Variants in EYS observed in about 807,000 individuals in gnomAD.
The protein encoded by EYS is EGF-like photoreceptor maintenance factor.
EYS carries 250 observed loss-of-function variants against 282.1 expected under a neutral mutation model. The observed-to-expected ratio is 0.89, with a 90% confidence interval of 0.80 to 0.98. EYS has a LOEUF of 0.98. Among genes scored for constraint, EYS ranks in the 50% least tolerant of loss-of-function variants. The pLI is 0.00. For synonymous variants in EYS, 1,355 were observed against 1,282.9 expected (o/e 1.06, Z -1.20); for missense variants, 4,016 against 3,709.0 (o/e 1.08, Z -2.15).
chr6:65,434,997 A>C (rs1290088206), intron 5 of EYS, among the ~76,000 whole-genome samples: 2 of 151,878 alleles, frequency 1.3e-5, no homozygotes, highest in Non-Finnish European at 1.5e-5. Context: ...TGTATTTTGC[A>C]TTATTACTGG....
intron 41 of EYS, among the ~76,000 whole-genome samples, chr6:63,754,201 T>A (rs1769417862): frequency 6.6e-6 from 1 of 152,180 alleles, no homozygotes. Context: ...TTATTTATTT[T>A]TATTATTATA....
chr6:65,090,368 A>G (rs1033647495), intron 12 of EYS, among the ~76,000 whole-genome samples: 1 of 152,150 alleles, frequency 6.6e-6, no homozygotes, highest in Non-Finnish European at 1.5e-5. Flanking sequence ...CCATAATTGT[A>G]TGTTTCCTTA....
At chr6:64,761,293 A>G (rs1385408996) in intron 22 of EYS, among the ~76,000 whole-genome samples, 1 of 152,112 alleles carries the variant, frequency 6.6e-6, no homozygotes, top group Non-Finnish European at 1.5e-5. Context: ...ATCACTTAGA[A>G]TTTACTTATA....
At chr6:64,628,010 G>A (rs899420811) in intron 22 of EYS, among the ~76,000 whole-genome samples, 8 of 152,190 alleles carry the variant, frequency 5.3e-5, no homozygotes, top group African/African-American at 1.9e-4. Flanking sequence ...AACCAGGGAG[G>A]CGGAGCTTGC....
chr6:65,418,654 C>T (rs1767334274), intron 5 of EYS, among the ~76,000 whole-genome samples: 1 of 151,936 alleles, frequency 6.6e-6, no homozygotes. Context: ...CACATGTTTT[C>T]ACTTATAAGT....
At chr6:64,181,466 A>C (rs933116658) in intron 31 of EYS, among the ~76,000 whole-genome samples, 2 of 152,058 alleles carry the variant, frequency 1.3e-5, no homozygotes, top group African/African-American at 4.8e-5. Flanking sequence ...AAAATTTTCT[A>C]TTTTTGGTTT....
intron 22 of EYS, among the ~76,000 whole-genome samples, chr6:64,715,135 C>T (rs1583072348): frequency 6.6e-6 from 1 of 151,802 alleles, no homozygotes; most frequent in South Asian, 2.1e-4. Flanking sequence ...TTATATTTAT[C>T]ATGTACTTTA....
rs750840208 is a variant in EYS, at chr6:64,591,473, G to GC, written c.4393dup (p.Ala1465GlyfsTer6). ...TGAATATTCTTCAATATCCTCTTGAGCCCCCCTAGAGACAACTGGAGTTGC... is the reference window on the plus strand; with the variant it reads ...TGAATATTCTTCAATATCCTCTTGAGCCCCCCCTAGAGACAACTGGAGTTGC... On this transcript the variant is annotated frameshift_variant, in exon 26 of 43. Coordinates refer to ENST00000503581, the MANE Select transcript of EYS (RefSeq NM_001142800.2). LOFTEE classifies it high-confidence loss of function. 14 of 1,551,254 alleles carry GC rather than the reference G, an allele frequency of 9.0e-6. No homozygotes were observed. The highest frequency in any genetic ancestry group is 2.4e-5 in the East Asian group (1 of 40,878).
chr6:65,396,142 A>G (rs961056782), intron 7 of EYS, among the ~76,000 whole-genome samples: 1 of 152,146 alleles, frequency 6.6e-6, no homozygotes. Flanking sequence ...TTATTTCAAT[A>G]TCTGCAAAGT....
chr6:63,726,671 A>G lies in EYS; in HGVS notation c.8081T>C (p.Ile2694Thr), dbSNP rs954331122. ...ATTGCTTCTGAAAGATGGATCACTT[A>G]TGGATAAAGCTGAGGGAAGGAGAGA... ...TGIYCEQALS[I>T]SDPSFRSNEL... Residue 2694 changes from isoleucine to threonine, a missense_variant, in exon 42 of 43, where the codon ATA (isoleucine) becomes ACA (threonine). Transcript: ENST00000503581. 11 of 1,551,110 alleles carry G rather than the reference A, an allele frequency of 7.1e-6. No homozygotes were observed. Among genetic ancestry groups the G allele is most frequent in the South Asian group, 1.2e-5 (1 of 83,988 alleles).
At chr6:65,291,660 G>T (rs187407242) in intron 12 of EYS, among the ~76,000 whole-genome samples, 1 of 151,684 alleles carries the variant, frequency 6.6e-6, no homozygotes, top group East Asian at 1.9e-4. Context: ...GCTCCAGGAG[G>T]TCATCTCTGG....
At chr6:63,888,777 A>T (rs983343328) in intron 35 of EYS, among the ~76,000 whole-genome samples, 3 of 152,236 alleles carry the variant, frequency 2.0e-5, no homozygotes, top group South Asian at 2.1e-4. Context: ...ACAAAACTGG[A>T]TGGAGAATGA....
At chr6:64,971,288 G>A (rs140768046) in intron 14 of EYS, among the ~76,000 whole-genome samples, 1 of 74,784 alleles carries the variant, frequency 1.3e-5, no homozygotes, top group East Asian at 3.2e-4. Context: ...AGATGAAAGT[G>A]TCCTATTCTA....
At chr6:65,044,798 G>A (rs1773050611) in intron 13 of EYS, among the ~76,000 whole-genome samples, 1 of 151,730 alleles carries the variant, frequency 6.6e-6, no homozygotes, top group Non-Finnish European at 1.5e-5. Flanking sequence ...TGTGCAATTT[G>A]TATTTTGGTA....
At chr6:64,881,490 A>T (rs1766916701) in intron 19 of EYS, among the ~76,000 whole-genome samples, 1 of 151,704 alleles carries the variant, frequency 6.6e-6, no homozygotes, top group African/African-American at 2.4e-5. Context: ...TCAGTTATAC[A>T]TTTTTTTCAT....
At chr6:65,394,843 A>G (rs909178043) in intron 7 of EYS, among the ~76,000 whole-genome samples, 2 of 151,978 alleles carry the variant, frequency 1.3e-5, no homozygotes, top group African/African-American at 2.4e-5. Flanking sequence ...CTCACAGCCC[A>G]ATGTCTACAT....
At chr6:63,847,993 A>G (rs1772143680) in intron 36 of EYS, among the ~76,000 whole-genome samples, 2 of 152,244 alleles carry the variant, frequency 1.3e-5, no homozygotes, top group South Asian at 4.1e-4. Flanking sequence ...TGATATATAC[A>G]TAATGCAATT....
At chr6:64,997,506 A>G (rs2150125816) in intron 14 of EYS, 76 bp downstream of exon 14, 2 of 1,387,280 alleles carry the variant, frequency 1.4e-6, no homozygotes, top group Non-Finnish European at 2.0e-6. Context: ...ACAGGCAAAA[A>G]CTCACTCTAT....
chr6:64,843,493 G>GA (rs1348427607), intron 19 of EYS, among the ~76,000 whole-genome samples: 3 of 152,206 alleles, frequency 2.0e-5, no homozygotes, highest in African/African-American at 7.2e-5. Flanking sequence ...GTGAGACATG[G>GA]AGTCAAAGGA....
Sources: allele counts gnomAD v4.1 joint callset (sites outside exome capture counted in the v4.1 genomes callset), GRCh38; gene constraint gnomAD v4.1.1; transcripts MANE v1.5; gene names NCBI Gene and HGNC (gene_info 2026-07-23, HGNC 2026-07-21).